ASPH: variants seen among roughly 807,000 people sequenced by gnomAD.
ASPH encodes aspartyl/asparaginyl beta-hydroxylase.
A neutral mutation model predicts 118.4 loss-of-function variants in ASPH; 100 were observed. That is an observed-to-expected ratio of 0.84 (90% confidence interval 0.72 to 1.00). The LOEUF (loss-of-function observed/expected upper bound fraction) is 1.00, where lower values mean the gene tolerates loss of function less well. Ranked by LOEUF, ASPH falls within the 50% of genes least tolerant of loss-of-function variation. The pLI is 0.00. For missense variants in ASPH, 920 were observed against 919.5 expected, an observed-to-expected ratio of 1.00 and a Z score of -0.01; for synonymous variants, 315 against 325.6, an observed-to-expected ratio of 0.97 and a Z score of 0.35.
intron 14 of ASPH, among the ~76,000 whole-genome samples, chr8:61,610,657 T>C (rs1199856159): frequency 2.6e-5 from 4 of 152,222 alleles, no homozygotes; most frequent in Non-Finnish European, 5.9e-5. Flanking sequence ...TTTCAAAGCT[T>C]TTCCTTGAGT....
intron 6 of ASPH, among the ~76,000 whole-genome samples, chr8:61,645,750 T>C (rs932079710): frequency 6.6e-5 from 10 of 152,226 alleles, no homozygotes; most frequent in Admixed American, 1.3e-4. Context: ...CATTTCCTGT[T>C]CTAAACAATA....
chr8:61,532,650 A>G (rs755544193), intron 21 of ASPH, among the ~76,000 whole-genome samples: 1 of 152,174 alleles, frequency 6.6e-6, no homozygotes, highest in Non-Finnish European at 1.5e-5. Flanking sequence ...CCATTACATT[A>G]TAACTTTTAG....
At chr8:61,575,771 A>C (rs1002351949) in intron 16 of ASPH, among the ~76,000 whole-genome samples, 1 of 152,190 alleles carries the variant, frequency 6.6e-6, no homozygotes, top group Non-Finnish European at 1.5e-5. Context: ...TGAGCTGGCC[A>C]GTGCTCAGCC....
chr8:61,660,573 G>A (rs1816360753), intron 3 of ASPH: 1 of 152,112 alleles, frequency 6.6e-6, no homozygotes, highest in African/African-American at 2.4e-5. Context: ...ATAGACAGAT[G>A]GATGTTGAGA....
intron 1 of ASPH, among the ~76,000 whole-genome samples, chr8:61,713,886 T>C (rs1298931435): frequency 6.6e-6 from 1 of 152,216 alleles, no homozygotes; most frequent in Non-Finnish European, 1.5e-5. Flanking sequence ...TTCCCTGACT[T>C]TGGCTCATTT....
intron 13 of ASPH, among the ~76,000 whole-genome samples, chr8:61,619,311 C>T (rs1373096037): frequency 6.6e-6 from 1 of 152,156 alleles, no homozygotes; most frequent in East Asian, 1.9e-4. Flanking sequence ...TGATGTACAT[C>T]AACTCCAAGT....
At chr8:61,688,297 C>T (rs1339334718) in intron 1 of ASPH, among the ~76,000 whole-genome samples, 3 of 152,158 alleles carry the variant, frequency 2.0e-5, no homozygotes, top group African/African-American at 7.2e-5. Context: ...TTTAAGAATA[C>T]TGCAAGAACG....
In ASPH at chr8:61,702,767, C is replaced by T. The variant is rs146328009; in HGVS notation, c.103+11502G>A. Among the ~76,000 whole-genome samples the T allele has an allele frequency of 1.2e-4, 19 of 152,274 alleles. No homozygotes were observed. In the East Asian group the frequency reaches 2.1e-3, roughly 17 times the overall value. ...ATACTGAAAATATATAAAACCACCA[C>T]GCTGGATTCTTCCCAGAAATGTAAG... On this transcript the variant is annotated intron_variant, in intron 1 of 24. Coordinates refer to ENST00000379454, the MANE Select transcript of ASPH (RefSeq NM_004318.4).
intron 15 of ASPH, chr8:61,578,323 C>A: frequency 1.2e-6 from 2 of 1,604,298 alleles, no homozygotes; most frequent in Admixed American, 3.3e-5. Context: ...CACATCAGCT[C>A]CTCGAGCTTC....
At chr8:61,544,688 A>G (rs1015539024) in intron 21 of ASPH, among the ~76,000 whole-genome samples, 6 of 152,198 alleles carry the variant, frequency 3.9e-5, no homozygotes, top group Admixed American at 2.0e-4. Flanking sequence ...TAACATATTT[A>G]TGAAAAAACT....
intron 21 of ASPH, among the ~76,000 whole-genome samples, chr8:61,537,432 C>T (rs1414627890): frequency 6.6e-6 from 1 of 152,192 alleles, no homozygotes; most frequent in Non-Finnish European, 1.5e-5. Flanking sequence ...GGCAGTGGCA[C>T]AATCATAACT....
At chr8:61,509,407 G>A (rs534803727) in intron 24 of ASPH, among the ~76,000 whole-genome samples, 2 of 152,286 alleles carry the variant, frequency 1.3e-5, no homozygotes, top group African/African-American at 2.4e-5. Context: ...ATCACATAGG[G>A]TAATCTCCTG....
intron 2 of ASPH, among the ~76,000 whole-genome samples, chr8:61,681,918 A>G (rs1828274170): frequency 6.6e-6 from 1 of 152,044 alleles, no homozygotes; most frequent in African/African-American, 2.4e-5. Flanking sequence ...TTGGACAATG[A>G]CTGTGGAGAA....
chr8:61,693,563 C>A (rs1833197052), intron 1 of ASPH, among the ~76,000 whole-genome samples: 2 of 152,166 alleles, frequency 1.3e-5, no homozygotes, highest in African/African-American at 4.8e-5. Context: ...TCTGCAGACA[C>A]AAGTCAAACC....
intron 3 of ASPH, chr8:61,675,264 G>A: frequency 2.3e-6 from 2 of 883,726 alleles, no homozygotes; most frequent in Non-Finnish European, 2.7e-6. Context: ...ACTTATTTAG[G>A]ATGAATAATT....
chr8:61,536,397 T>C (rs1454993675), intron 21 of ASPH, among the ~76,000 whole-genome samples: 1 of 152,224 alleles, frequency 6.6e-6, no homozygotes, highest in African/African-American at 2.4e-5. Context: ...ATGCAAAGCC[T>C]ATTTATTCTA....
intron 14 of ASPH, among the ~76,000 whole-genome samples, chr8:61,604,703 G>A (rs1449103749): frequency 6.6e-6 from 1 of 152,146 alleles, no homozygotes; most frequent in Non-Finnish European, 1.5e-5. Context: ...GTTAACAGAT[G>A]ACAAACTTTT....
At chr8:61,664,198 T>C in intron 3 of ASPH, 1 of 969,284 alleles carries the variant, frequency 1.0e-6, no homozygotes, top group Non-Finnish European at 1.2e-6. Context: ...TTCACTTTTA[T>C]ATTAAATGTT....
At chr8:61,504,765 C>T (rs929162761) in intron 24 of ASPH, among the ~76,000 whole-genome samples, 5 of 152,084 alleles carry the variant, frequency 3.3e-5, no homozygotes, top group African/African-American at 4.8e-5. Context: ...TAGTCATTGC[C>T]AAATGTCCAG....
Sources: allele counts gnomAD v4.1 joint callset (sites outside exome capture counted in the v4.1 genomes callset), GRCh38; gene constraint gnomAD v4.1.1; transcripts MANE v1.5; gene names NCBI Gene and HGNC (gene_info 2026-07-23, HGNC 2026-07-21).